Variants in SRGAP3 observed in about 807,000 individuals in gnomAD.
SRGAP3 encodes SLIT-ROBO Rho GTPase activating protein 3, also known as SLIT-ROBO Rho GTPase-activating protein 3.
SRGAP3 carries 39 observed loss-of-function variants against 121.1 expected under a neutral mutation model. That is an observed-to-expected ratio of 0.32 (90% CI 0.25 to 0.42). The LOEUF (loss-of-function observed/expected upper bound fraction) is 0.42. Among genes scored for constraint, SRGAP3 ranks in the 10% least tolerant of loss-of-function variants. SRGAP3 has a pLI of 1.00. For synonymous variants in SRGAP3, 601 were observed against 570.0 expected, an observed-to-expected ratio of 1.05 and a Z score of -0.77; for missense variants, 1,213 against 1,470.6, an observed-to-expected ratio of 0.82 and a Z score of 2.86.
chr3:9,333,970 C>T (rs945522050), intron 1 of SRGAP3, among the ~76,000 whole-genome samples: 4 of 152,024 alleles, frequency 2.6e-5, no homozygotes, highest in African/African-American at 7.3e-5. Flanking sequence ...ATAGCAATCA[C>T]CTCATAAACA....
At chr3:9,295,836 C>G (rs145862481) in intron 3 of SRGAP3, among the ~76,000 whole-genome samples, 142 of 152,286 alleles carry the variant, frequency 9.3e-4, no homozygotes, top group African/African-American at 3.0e-3. Flanking sequence ...AACCTCTATT[C>G]CACTTTCTCT....
intron 1 of SRGAP3, among the ~76,000 whole-genome samples, chr3:9,173,504 T>A (rs1439911216): frequency 6.6e-6 from 1 of 152,068 alleles, no homozygotes; most frequent in Non-Finnish European, 1.5e-5. Flanking sequence ...AAAGAGGCAG[T>A]TTGAATGAAC....
intron 1 of SRGAP3, among the ~76,000 whole-genome samples, chr3:9,170,386 C>T (rs1022135196): frequency 6.6e-6 from 1 of 152,064 alleles, no homozygotes. Flanking sequence ...ATGACAGCCT[C>T]GGAGTAGTAG....
chr3:9,043,939 G>T (rs1413420267), intron 10 of SRGAP3, among the ~76,000 whole-genome samples: 2 of 152,122 alleles, frequency 1.3e-5, no homozygotes, highest in Non-Finnish European at 2.9e-5. Context: ...GCAATAAAAA[G>T]GTTATAAGTC....
intron 3 of SRGAP3, among the ~76,000 whole-genome samples, chr3:9,086,578 T>C (rs1947486585): frequency 6.7e-6 from 1 of 149,526 alleles, no homozygotes; most frequent in African/African-American, 2.5e-5. Context: ...GGTGTGTATA[T>C]GTGTGTGTGT....
intron 1 of SRGAP3, among the ~76,000 whole-genome samples, chr3:9,167,567 G>A (rs78832347): frequency 3.2e-4 from 48 of 152,252 alleles, no homozygotes; most frequent in South Asian, 1.2e-3. Context: ...CAACGCCTAG[G>A]GGGGGAGCAG....
intron 1 of SRGAP3, among the ~76,000 whole-genome samples, chr3:9,141,102 T>C (rs2125031880): frequency 6.6e-6 from 1 of 152,334 alleles, no homozygotes; most frequent in Admixed American, 6.5e-5. Context: ...TCTGGAAACC[T>C]TCCCAGAAAA....
intron 1 of SRGAP3, among the ~76,000 whole-genome samples, chr3:9,164,099 G>A (rs960286636): frequency 7.2e-6 from 1 of 139,432 alleles, no homozygotes; most frequent in Non-Finnish European, 1.5e-5. Flanking sequence ...CCAGGTTCAA[G>A]CAATTCTCCT....
chr3:9,129,920 C>A (rs1949380967), intron 1 of SRGAP3, among the ~76,000 whole-genome samples: 1 of 152,000 alleles, frequency 6.6e-6, no homozygotes, highest in African/African-American at 2.4e-5. Flanking sequence ...GGCCACCACA[C>A]CTGAATAATT....
intron 1 of SRGAP3, among the ~76,000 whole-genome samples, chr3:9,184,326 G>C (rs1393853417): frequency 6.6e-6 from 1 of 152,170 alleles, no homozygotes; most frequent in East Asian, 1.9e-4. Flanking sequence ...TAGACATAGA[G>C]ACTTTGCATC....
intron 1 of SRGAP3, among the ~76,000 whole-genome samples, chr3:9,196,304 A>AT (rs948990078): frequency 1.3e-5 from 2 of 152,196 alleles, no homozygotes; most frequent in African/African-American, 4.8e-5. Flanking sequence ...CTACGGTGTG[A>AT]TTAAGAAAGA....
At chr3:9,204,830 G>A (rs138880625) in intron 1 of SRGAP3, among the ~76,000 whole-genome samples, 21 of 152,364 alleles carry the variant, frequency 1.4e-4, no homozygotes, top group Admixed American at 3.9e-4. Context: ...TGGGGAGCAC[G>A]GAGCTAAATC....
chr3:9,050,887 AGTGT>A (rs1259846284), intron 9 of SRGAP3, among the ~76,000 whole-genome samples: 1 of 152,154 alleles, frequency 6.6e-6, no homozygotes, highest in Non-Finnish European at 1.5e-5. Context: ...GAGAAAATGT[AGTGT>A]GTATCGACTA....
At chr3:9,187,491 C>G (rs759379921) in intron 1 of SRGAP3, among the ~76,000 whole-genome samples, 24 of 152,156 alleles carry the variant, frequency 1.6e-4, no homozygotes, top group Non-Finnish European at 3.1e-4. Context: ...GAAGCACAGT[C>G]TTCACCAACC....
At chr3:8,996,477 T>G (rs149569723) in intron 18 of SRGAP3, among the ~76,000 whole-genome samples, 117 of 152,330 alleles carry the variant, frequency 7.7e-4, no homozygotes, top group African/African-American at 2.6e-3. Context: ...GGAGCAGGCC[T>G]CAAACAGTCA....
chr3:9,095,021 C>G (rs564461052), intron 3 of SRGAP3, among the ~76,000 whole-genome samples: 1 of 152,076 alleles, frequency 6.6e-6, no homozygotes, highest in African/African-American at 2.4e-5. Flanking sequence ...CTCAGCCTCC[C>G]GAAGTGCTGA....
intron 3 of SRGAP3, among the ~76,000 whole-genome samples, chr3:9,277,338 G>T (rs536932075): frequency 1.3e-5 from 2 of 151,964 alleles, no homozygotes; most frequent in Non-Finnish European, 2.9e-5. Context: ...GGTGGCTTAC[G>T]CCTGTAATCC....
At chr3:9,203,334 G>A (rs1952133507) in intron 1 of SRGAP3, among the ~76,000 whole-genome samples, 1 of 152,152 alleles carries the variant, frequency 6.6e-6, no homozygotes, top group Non-Finnish European at 1.5e-5. Flanking sequence ...TGGGCACCCT[G>A]GGAAACCACT....
chr3:8,988,745 G>C (rs1359475832), intron 21 of SRGAP3, among the ~76,000 whole-genome samples: 1 of 152,220 alleles, frequency 6.6e-6, no homozygotes, highest in African/African-American at 2.4e-5. Context: ...TGGGGGGTCA[G>C]GAGGATGCTT....
Sources: allele counts gnomAD v4.1 joint callset (sites outside exome capture counted in the v4.1 genomes callset), GRCh38; gene constraint gnomAD v4.1.1; transcripts MANE v1.5; gene names NCBI Gene and HGNC (gene_info 2026-07-23, HGNC 2026-07-21).